NSD2: variants seen among roughly 807,000 people sequenced by gnomAD.
NSD2 encodes the protein nuclear receptor binding SET domain protein 2.
In NSD2, 12 loss-of-function variants were observed where a neutral mutation model predicts 139.0. The ratio of observed to expected loss-of-function variants is 0.09; its 90% confidence interval spans 0.06 to 0.14. The LOEUF is 0.14. Among genes scored for constraint, NSD2 ranks in the 10% least tolerant of loss-of-function variants. The pLI is 1.00. For missense variants in NSD2, 1,155 were observed against 1,745.0 expected, an observed-to-expected ratio of 0.66 and a Z score of 6.02; for synonymous variants, 669 against 648.7, an observed-to-expected ratio of 1.03 and a Z score of -0.48.
intron 1 of NSD2, among the ~76,000 whole-genome samples, chr4:1,872,457 C>A (rs1713861461): frequency 6.6e-6 from 1 of 152,158 alleles, no homozygotes; most frequent in Non-Finnish European, 1.5e-5. Context: ...GGACCCATTG[C>A]AGCACGAATC....
intron 19 of NSD2, 41 bp downstream of exon 19, chr4:1,975,045 G>GGGGC: frequency 6.2e-7 from 1 of 1,612,804 alleles, no homozygotes. Context: ...CCTGGCTATG[G>GGGGC]GGGCAGAGTG....
rs1723908287 is a variant in NSD2 at position 1,948,839 on chromosome 4, TTCTG to T, written c.1882-2229_1882-2226del. On this transcript the variant is annotated intron_variant, in intron 9 of 21. Transcript: ENST00000508803. The surrounding 1 kb of genome is among the most constrained non-coding windows in gnomAD (Gnocchi z 4.5). The stretch of plus-strand genomic sequence containing the variant: ...CTCTGACCCAGGACTGCTTTGTGTT[TTCTG>T]TCTTTCTCTCCATGCATTTTTTTTC... 4 of 1,008,794 alleles carry T rather than the reference TTCTG, an allele frequency of 4.0e-6. No homozygotes were observed. The highest frequency in any genetic ancestry group is 4.8e-4 in the Middle Eastern group (1 of 2,102). The allele number at this position is 1,008,794 out of a possible 1,614,324, so 62.5% of individuals were successfully genotyped here. A position where few individuals can be genotyped will look rare whatever the true frequency, so the allele number is the denominator to read the frequency against.
chr4:1,883,742 G>A (rs951048605), intron 1 of NSD2, among the ~76,000 whole-genome samples: 4 of 152,064 alleles, frequency 2.6e-5, no homozygotes, highest in African/African-American at 9.7e-5. Context: ...CAGGGCTCTT[G>A]TGTCTTGTCC....
rs1259297491 is a variant in NSD2 at position 1,958,030 on chromosome 4, C to T, written c.2979C>T (p.His993=). 1 of 1,613,648 alleles carries T rather than the reference C, an allele frequency of 6.2e-7. No individual in the cohort carries two copies. The highest frequency in any genetic ancestry group is 1.3e-5 in the African/African-American group (1 of 74,914). The part of the protein sequence containing the change: ...ESERKPPPYK[H]IKVNKPYGKV... ...AGCGCAAGCCCCCACCATACAAGCA[C>T]ATCAAGGTGGCGTGTGGGAGCTGCG... Residue 993 remains histidine (H), a synonymous_variant, in exon 16 of 22, where the codon CAC becomes CAT. Transcript: ENST00000508803. This position sits in a 1 kb window ranked among gnomAD's most constrained non-coding sequence, Gnocchi z 4.6.
In NSD2 at chr4:1,956,202, CAGAT is replaced by C. The variant is rs748912804; in HGVS notation, c.2881+18_2881+21del. 6.3e-5 allele frequency: 100 copies of C among 1,581,194 alleles called. No homozygotes were observed. Among genetic ancestry groups the C allele is most frequent in the Non-Finnish European group, 8.4e-5 (98 of 1,161,870 alleles). ...TCTTCAAAAACGGTACGGAGATATT[CAGAT>C]AGAGAGTGAGACAGCACTCTCGTGC... On this transcript the variant is annotated intron_variant, in intron 15 of 21. Coordinates refer to ENST00000508803, the MANE Select transcript of NSD2 (RefSeq NM_001042424.3). This position sits in a 1 kb window ranked among gnomAD's most constrained non-coding sequence, Gnocchi z 5.3.
At position 1,885,077 on chromosome 4, in the gene NSD2, TC is replaced by T. The variant is rs559550289; in HGVS notation, c.-30+13537del. Among the ~76,000 whole-genome samples, 28 of 150,738 alleles carry T rather than the reference TC, an allele frequency of 1.9e-4. No homozygotes were observed. The South Asian group carries it at 2.5e-3, about 14-fold the overall frequency. ...GTGAGCCGAGATCATGCCATTGTATTCCAGCCTAGGTGACAAGAGCAAAACT... is the reference window on the plus strand; with the variant it reads ...GTGAGCCGAGATCATGCCATTGTATTCAGCCTAGGTGACAAGAGCAAAACT... On this transcript the variant is annotated intron_variant, in intron 1 of 21. Coordinates refer to ENST00000508803, the MANE Select transcript of NSD2 (RefSeq NM_001042424.3).
At chr4:1,941,592 A>C (rs1723101987) in intron 9 of NSD2, 1 of 1,035,802 alleles carries the variant, frequency 9.7e-7, no homozygotes, top group Non-Finnish European at 1.2e-6. Context: ...TAGGTTGTTA[A>C]ATACATTTAT....
At chr4:1,959,434 C>T (rs1560770478) in intron 16 of NSD2, 37 bp from the exon 17 acceptor site, 3 of 1,599,396 alleles carry the variant, frequency 1.9e-6, no homozygotes, top group Admixed American at 1.7e-5. Context: ...GGAAGGCTCT[C>T]ATGTGTGGAC....
intron 1 of NSD2, among the ~76,000 whole-genome samples, chr4:1,897,622 A>ATTTTAT (rs1021842162): frequency 2.6e-5 from 4 of 152,090 alleles, no homozygotes; most frequent in Non-Finnish European, 5.9e-5. Flanking sequence ...TCTACAAAAA[A>ATTTTAT]TTTTATTTTT....
In NSD2 at chr4:1,878,868, G is replaced by C. The variant is rs867008320; in HGVS notation, c.-30+7326G>C. On this transcript the variant is annotated intron_variant, in intron 1 of 21. Coordinates refer to ENST00000508803, the MANE Select transcript of NSD2 (RefSeq NM_001042424.3). ...AAGGTGTGGACAGGTGGGAGAGAAT[G>C]AGCAGAGGCAGCATTGCCCGGACTG... Among the ~76,000 whole-genome samples, 5 of 152,288 alleles carry C rather than the reference G, an allele frequency of 3.3e-5. No homozygotes were observed. In the South Asian group the frequency reaches 1.0e-3, roughly 32 times the overall value.
chr4:1,922,488 T>A (rs1224477040), intron 5 of NSD2, among the ~76,000 whole-genome samples: 1 of 152,240 alleles, frequency 6.6e-6, no homozygotes, highest in Admixed American at 6.5e-5. Flanking sequence ...CTCCCTTTAA[T>A]AATCTATAAA....
At chr4:1,919,306 G>A (rs528058770) in intron 5 of NSD2, 2 of 152,286 alleles carry the variant, frequency 1.3e-5, no homozygotes, top group African/African-American at 4.8e-5. Flanking sequence ...GAAGCTTCCA[G>A]TGCAGGATAT....
intron 18 of NSD2, among the ~76,000 whole-genome samples, chr4:1,964,880 A>G (rs1271926348): frequency 6.6e-6 from 1 of 152,140 alleles, no homozygotes; most frequent in Non-Finnish European, 1.5e-5. Flanking sequence ...AAAGATCTGG[A>G]AAGACCTTAA....
At position 1,974,760 on chromosome 4, in the gene NSD2, A is replaced by C; in HGVS notation, c.3373-103A>C. The C allele has an allele frequency of 1.3e-6, 2 of 1,535,740 alleles. No individual in the cohort carries two copies. Among genetic ancestry groups the C allele is most frequent in the Non-Finnish European group, 1.8e-6 (2 of 1,114,204 alleles). ...AGGACACCACGGTTTTCAGTACAAC[A>C]AGGAACACAACTTGTTCAATGTGCT... On this transcript the variant is annotated intron_variant, in intron 18 of 21. Coordinates refer to ENST00000508803, the MANE Select transcript of NSD2 (RefSeq NM_001042424.3). The surrounding 1 kb of genome is among the most constrained non-coding windows in gnomAD (Gnocchi z 4.0).
Position 1,955,614 on chromosome 4 carries a change from G to T in NSD2, c.2519-79G>T, listed in dbSNP as rs903264892. The stretch of plus-strand genomic sequence containing the variant: ...TGTTTATAAGTTAAGGCTGTAATAA[G>T]TGTAGACTGTGAAGCACTGAATCTG... On this transcript the variant is annotated intron_variant, in intron 13 of 21. Coordinates refer to ENST00000508803, the MANE Select transcript of NSD2 (RefSeq NM_001042424.3). The surrounding 1 kb of genome is among the most constrained non-coding windows in gnomAD (Gnocchi z 4.7). 6.8e-7 allele frequency: 1 copy of T among 1,481,174 alleles called. No homozygotes were observed. The allele number at this position is 1,481,174 out of a possible 1,614,324, so 91.8% of individuals were successfully genotyped here.
chr4:1,953,649 A>T, intron 12 of NSD2, 125 bp downstream of exon 12: 1 of 1,234,294 alleles, frequency 8.1e-7, no homozygotes, highest in Non-Finnish European at 1.1e-6. Flanking sequence ...TGAGTGACTA[A>T]CTGGACATCG....
chr4:1,875,367 G>C (rs1285300743), intron 1 of NSD2, among the ~76,000 whole-genome samples: 3 of 142,110 alleles, frequency 2.1e-5, no homozygotes, highest in Non-Finnish European at 4.5e-5. Flanking sequence ...TTGCAGCCTT[G>C]ATCACCTGGG....
At chr4:1,911,891 C>G (rs1054194174) in intron 3 of NSD2, among the ~76,000 whole-genome samples, 1 of 152,054 alleles carries the variant, frequency 6.6e-6, no homozygotes, top group African/African-American at 2.4e-5. Flanking sequence ...TTTTTCCCAC[C>G]TGACATGTAA....
chr4:1,947,665 G>A (rs1291712859), intron 9 of NSD2: 1 of 1,055,470 alleles, frequency 9.5e-7, no homozygotes, highest in South Asian at 4.6e-5. Context: ...GCTGAGCACA[G>A]GGCTGTTGTC....
Sources: allele counts gnomAD v4.1 joint callset (sites outside exome capture counted in the v4.1 genomes callset), GRCh38; gene constraint gnomAD v4.1.1; non-coding constraint Gnocchi (gnomAD v3.1); transcripts MANE v1.5; gene names NCBI Gene and HGNC (gene_info 2026-07-23, HGNC 2026-07-21).